Variants in GALNTL6 observed in about 807,000 individuals in gnomAD.
The protein encoded by GALNTL6 is polypeptide N-acetylgalactosaminyltransferase-like 6.
In GALNTL6, 46 loss-of-function variants were observed where a neutral mutation model predicts 73.7. That is an observed-to-expected ratio of 0.62 (90% CI 0.49 to 0.80). The LOEUF (loss-of-function observed/expected upper bound fraction) is 0.80, where lower values mean the gene tolerates loss of function less well. GALNTL6 is among the 30% of genes least tolerant of loss of function. The pLI, the probability that GALNTL6 is intolerant of heterozygous loss-of-function variation, is 0.00. For missense variants in GALNTL6, 604 were observed against 755.0 expected (o/e 0.80, Z 2.34); for synonymous variants, 259 against 263.7 (o/e 0.98, Z 0.17).
chr4:172,995,104 T>C (rs754768314), intron 10 of GALNTL6, among the ~76,000 whole-genome samples: 2 of 152,216 alleles, frequency 1.3e-5, no homozygotes, highest in Non-Finnish European at 2.9e-5. Flanking sequence ...TTCATGATTG[T>C]ACTAGAACCA....
At chr4:171,909,055 T>G (rs1737392006) in intron 2 of GALNTL6, among the ~76,000 whole-genome samples, 2 of 148,214 alleles carry the variant, frequency 1.3e-5, no homozygotes, top group East Asian at 2.1e-4. Context: ...GATGACGAGT[T>G]AGTGGGTGCA....
At chr4:172,968,649 C>T (rs1750438064) in intron 10 of GALNTL6, among the ~76,000 whole-genome samples, 1 of 152,174 alleles carries the variant, frequency 6.6e-6, no homozygotes. Flanking sequence ...GAATGACAAA[C>T]ACATTCAAAG....
At chr4:171,941,079 T>C (rs332997) in intron 2 of GALNTL6, among the ~76,000 whole-genome samples, 106,609 of 151,920 alleles carry the variant, frequency 0.7, 39,022 homozygotes, top group Admixed American at 0.82. Flanking sequence ...AGAATCTATA[T>C]TTACTTCATT....
chr4:172,186,480 A>T (rs186526190), intron 2 of GALNTL6, among the ~76,000 whole-genome samples: 3 of 152,264 alleles, frequency 2.0e-5, no homozygotes, highest in Admixed American at 2.0e-4. Flanking sequence ...ACCTGCACTA[A>T]TCACAATAGT....
At chr4:172,808,547 A>T (rs1245020057) in intron 5 of GALNTL6, among the ~76,000 whole-genome samples, 1 of 152,206 alleles carries the variant, frequency 6.6e-6, no homozygotes, top group East Asian at 1.9e-4. Context: ...AAAGCAGAGG[A>T]TATAAAATAT....
intron 5 of GALNTL6, among the ~76,000 whole-genome samples, chr4:172,516,603 A>G (rs1180984189): frequency 4.6e-5 from 7 of 152,168 alleles, no homozygotes; most frequent in Admixed American, 6.6e-5. Context: ...TTAAATATGT[A>G]TATAATTATA....
At chr4:171,952,024 A>G (rs1489396420) in intron 2 of GALNTL6, among the ~76,000 whole-genome samples, 3 of 152,058 alleles carry the variant, frequency 2.0e-5, no homozygotes, top group East Asian at 1.9e-4. Flanking sequence ...GAAATAGAAT[A>G]CAAAGTGTAA....
At chr4:172,963,629 G>A (rs1409878818) in intron 10 of GALNTL6, among the ~76,000 whole-genome samples, 1 of 152,164 alleles carries the variant, frequency 6.6e-6, no homozygotes. Flanking sequence ...GCCATTCACA[G>A]CTTTGCCCAC....
intron 2 of GALNTL6, among the ~76,000 whole-genome samples, chr4:172,069,586 T>TATATAACATATATGTTATATATATA (rs1553989828): frequency 1.5e-4 from 2 of 13,042 alleles, no homozygotes; most frequent in African/African-American, 2.2e-4. Context: ...TTATATATTA[T>TATATAACATATATGTTATATATATA]ATATATAACA....
In GALNTL6 at chr4:172,809,662, G is replaced by A. The variant is rs181012168; in HGVS notation, c.739+116G>A. 1,337 of 727,784 alleles carry A rather than the reference G, an allele frequency of 1.8e-3. 4 individuals are homozygous for A. Among genetic ancestry groups the A allele is most frequent in the Middle Eastern group, 4.0e-3 (10 of 2,474 alleles). The allele number at this position is 727,784 out of a possible 1,614,324, so 45.1% of individuals were successfully genotyped here. A position where few individuals can be genotyped will look rare whatever the true frequency, so the allele number is the denominator to read the frequency against. ...GGTCCCTTCTACAAGTTTTCCAGGG[G>A]AAGCCTTGAATTTTATATTTACCAC... On this transcript the variant is annotated intron_variant, in intron 6 of 12. Transcript: ENST00000506823. The surrounding 1 kb of genome is among the most constrained non-coding windows in gnomAD (Gnocchi z 4.4).
At chr4:172,403,375 A>G (rs763048616) in intron 5 of GALNTL6, among the ~76,000 whole-genome samples, 20 of 152,222 alleles carry the variant, frequency 1.3e-4, no homozygotes, top group Non-Finnish European at 2.6e-4. Context: ...TAAATGAGGT[A>G]GAACACAGGT....
chr4:172,557,496 C>G (rs779250469), intron 5 of GALNTL6, among the ~76,000 whole-genome samples: 2 of 152,026 alleles, frequency 1.3e-5, no homozygotes, highest in Non-Finnish European at 2.9e-5. Flanking sequence ...ATACTTATAT[C>G]CAGCTGAAAA....
intron 3 of GALNTL6, among the ~76,000 whole-genome samples, chr4:172,284,087 C>A (rs1463427326): frequency 2.6e-5 from 4 of 152,070 alleles, no homozygotes; most frequent in African/African-American, 9.7e-5. Flanking sequence ...ATAAAAATGT[C>A]ATTCACCTAT....
At chr4:173,028,804 G>T (rs1223103387) in intron 12 of GALNTL6, among the ~76,000 whole-genome samples, 1 of 152,170 alleles carries the variant, frequency 6.6e-6, no homozygotes, top group Non-Finnish European at 1.5e-5. Flanking sequence ...ACTTTCTTTA[G>T]TTGCTCTCTG....
intron 2 of GALNTL6, among the ~76,000 whole-genome samples, chr4:171,888,662 G>T (rs1246298523): frequency 6.6e-6 from 1 of 152,032 alleles, no homozygotes; most frequent in African/African-American, 2.4e-5. Context: ...AAACTTGACA[G>T]AGAAAAAAGA....
chr4:171,879,025 C>T lies in GALNTL6; in HGVS notation c.138+64307C>T, dbSNP rs1736362142. Reference sequence around the variant, plus strand: ...TATGCTTCCTGTACAGCTTGCAGAACCAGGAGCCAATTAAACCTCTTTTCT... The same window carrying T: ...TATGCTTCCTGTACAGCTTGCAGAATCAGGAGCCAATTAAACCTCTTTTCT... On this transcript the variant is annotated intron_variant, in intron 2 of 12. Transcript: ENST00000506823. Among the ~76,000 whole-genome samples the T allele has an allele frequency of 2.6e-5, 4 of 152,132 alleles. No individual in the cohort carries two copies. In the South Asian group the frequency reaches 8.3e-4, roughly 32 times the overall value.
intron 5 of GALNTL6, among the ~76,000 whole-genome samples, chr4:172,392,789 G>C (rs188567964): frequency 6.6e-6 from 1 of 152,288 alleles, no homozygotes. Context: ...TTTGAGAAGG[G>C]AAGCAAGTTC....
intron 2 of GALNTL6, among the ~76,000 whole-genome samples, chr4:172,162,857 C>T (rs1218635181): frequency 6.6e-6 from 1 of 151,986 alleles, no homozygotes; most frequent in Non-Finnish European, 1.5e-5. Context: ...AGTAATTAAG[C>T]ACGACCATGT....
intron 2 of GALNTL6, among the ~76,000 whole-genome samples, chr4:171,927,633 T>C (rs141950203): frequency 4.1e-4 from 62 of 152,172 alleles, no homozygotes; most frequent in Non-Finnish European, 8.2e-4. Context: ...CCACTCTCTG[T>C]TTTGTCCTTT....
Sources: allele counts gnomAD v4.1 joint callset (sites outside exome capture counted in the v4.1 genomes callset), GRCh38; gene constraint gnomAD v4.1.1; non-coding constraint Gnocchi (gnomAD v3.1); transcripts MANE v1.5; gene names NCBI Gene and HGNC (gene_info 2026-07-23, HGNC 2026-07-21).